The following DCC variants were observed in gnomAD, a reference collection of about 807,000 sequenced individuals.
The protein encoded by DCC is DCC netrin 1 receptor.
Under a neutral mutation model 172.5 loss-of-function variants are expected in DCC, and 58 were observed. That is an observed-to-expected ratio of 0.34 (90% CI 0.27 to 0.42). The LOEUF is 0.42. Ranked by LOEUF, DCC falls within the 10% of genes least tolerant of loss-of-function variation. The pLI is 1.00. For missense variants in DCC, 1,740 were observed against 1,791.0 expected, an observed-to-expected ratio of 0.97 and a Z score of 0.51; for synonymous variants, 709 against 644.5, an observed-to-expected ratio of 1.10 and a Z score of -1.52.
chr18:53,298,329 A>G (rs2057091823), intron 12 of DCC, among the ~76,000 whole-genome samples: 1 of 151,962 alleles, frequency 6.6e-6, no homozygotes, highest in African/African-American at 2.4e-5. Flanking sequence ...TGAGCCTAGG[A>G]GTTCAAGACC....
intron 2 of DCC, among the ~76,000 whole-genome samples, chr18:52,794,994 A>G (rs370040624): frequency 6.6e-6 from 1 of 151,864 alleles, no homozygotes; most frequent in South Asian, 2.1e-4. Context: ...ATCATGATGT[A>G]TTATCTTTTC....
intron 5 of DCC, among the ~76,000 whole-genome samples, chr18:53,062,575 T>A (rs8084454): frequency 0.33 from 49,455 of 151,954 alleles, 9,961 homozygotes; most frequent in African/African-American, 0.57. Context: ...CAAGGTTTTG[T>A]GGGCTAAGCC....
intron 1 of DCC, among the ~76,000 whole-genome samples, chr18:52,581,070 A>T (rs1339877026): frequency 6.6e-6 from 1 of 152,186 alleles, no homozygotes; most frequent in Non-Finnish European, 1.5e-5. Flanking sequence ...AGGCTCATTT[A>T]GCAATTTAGC....
At chr18:53,172,768 C>T (rs2055033112) in intron 8 of DCC, among the ~76,000 whole-genome samples, 1 of 151,996 alleles carries the variant, frequency 6.6e-6, no homozygotes, top group Admixed American at 6.6e-5. Context: ...CCTATAGGAC[C>T]TCATGTCTTT....
At chr18:53,089,158 T>C (rs924369876) in intron 7 of DCC, among the ~76,000 whole-genome samples, 4 of 152,166 alleles carry the variant, frequency 2.6e-5, no homozygotes, top group African/African-American at 7.2e-5. Context: ...TGATCTCTGC[T>C]CACTGCAACC....
chr18:52,743,806 C>A (rs1024024636), intron 1 of DCC, among the ~76,000 whole-genome samples: 1 of 152,146 alleles, frequency 6.6e-6, no homozygotes, highest in Non-Finnish European at 1.5e-5. Flanking sequence ...CTTTATATTT[C>A]CAAATTTAGT....
At position 52,385,643 on chromosome 18, in the gene DCC, T is replaced by TTAGTAG. The variant is rs201569864; in HGVS notation, c.91+44780_91+44785dup. 1.7e-3 allele frequency among the ~76,000 whole-genome samples: 257 copies of TTAGTAG among 151,760 alleles called. 1 individual carries two copies. Among genetic ancestry groups the TTAGTAG allele is most frequent in the South Asian group, 3.5e-3 (17 of 4,806 alleles). On this transcript the variant is annotated intron_variant, in intron 1 of 28. Transcript: ENST00000442544. ...TAACCAATTGATAGTGGTAGTAGTG[T>TTAGTAG]TAGTAGTAGTAGTAGTAGTAATTAG...
At chr18:52,870,099 G>T (rs1364449234) in intron 2 of DCC, among the ~76,000 whole-genome samples, 1 of 152,130 alleles carries the variant, frequency 6.6e-6, no homozygotes, top group Non-Finnish European at 1.5e-5. Context: ...AGCTCTCAGG[G>T]CAGCAGGCTC....
intron 27 of DCC, among the ~76,000 whole-genome samples, chr18:53,513,125 C>A (rs1598832241): frequency 1.3e-5 from 2 of 152,172 alleles, no homozygotes; most frequent in Non-Finnish European, 2.9e-5. Context: ...AGCAGAAATC[C>A]TACAAGCCAA....
chr18:52,664,462 TTCTTTTTCTTTTTC>T (rs1420141795), intron 1 of DCC, among the ~76,000 whole-genome samples: 25 of 134,868 alleles, frequency 1.9e-4, no homozygotes, highest in African/African-American at 6.1e-4. Flanking sequence ...CTTTTTTCTT[TTCTTTTTCTTTTTC>T]TTTTTTTTTT....
intron 17 of DCC, among the ~76,000 whole-genome samples, chr18:53,397,042 CAT>C (rs1380601159): frequency 6.6e-6 from 1 of 151,458 alleles, no homozygotes. Context: ...GACCTTTCAA[CAT>C]ATCTTACCTC....
At chr18:53,244,178 G>T (rs1380413876) in intron 12 of DCC, among the ~76,000 whole-genome samples, 1 of 152,102 alleles carries the variant, frequency 6.6e-6, no homozygotes, top group African/African-American at 2.4e-5. Flanking sequence ...TTCACTGGAA[G>T]TTTGATACTT....
chr18:53,289,035 A>G (rs1372019446), intron 12 of DCC, among the ~76,000 whole-genome samples: 2 of 152,200 alleles, frequency 1.3e-5, no homozygotes, highest in Non-Finnish European at 2.9e-5. Flanking sequence ...AAACACTGAT[A>G]GAATCCTTGA....
rs147655666 is a variant in DCC at position 52,936,642 on chromosome 18, A to G, written c.985+11272A>G. Among the ~76,000 whole-genome samples the G allele has an allele frequency of 1.2e-4, 18 of 151,620 alleles. 4 individuals are homozygous for G. In the East Asian group the frequency reaches 3.1e-3, roughly 26 times the overall value. ...AAGAATATAATTTTAATTATCCCTA[A>G]CAATCTAAGCAAGGTGAATTGACAA... On this transcript the variant is annotated intron_variant, in intron 5 of 28. Coordinates refer to ENST00000442544, the MANE Select transcript of DCC (RefSeq NM_005215.4).
intron 1 of DCC, among the ~76,000 whole-genome samples, chr18:52,378,946 G>A (rs936771050): frequency 2.6e-5 from 4 of 152,094 alleles, no homozygotes; most frequent in East Asian, 1.9e-4. Flanking sequence ...ATGAATTTTG[G>A]TTTCTATAGC....
intron 28 of DCC, among the ~76,000 whole-genome samples, chr18:53,527,276 A>G (rs1024379071): frequency 6.6e-6 from 1 of 151,486 alleles, no homozygotes; most frequent in Admixed American, 6.6e-5. Context: ...GGCTATTCAC[A>G]GGCACAATCA....
At chr18:52,392,488 T>C (rs1374723512) in intron 1 of DCC, among the ~76,000 whole-genome samples, 1 of 152,122 alleles carries the variant, frequency 6.6e-6, no homozygotes, top group Non-Finnish European at 1.5e-5. Context: ...AAGGGTAGTA[T>C]ATGTGTAAAC....
chr18:53,220,054 A>G (rs139963463), intron 12 of DCC, among the ~76,000 whole-genome samples: 1 of 152,240 alleles, frequency 6.6e-6, no homozygotes, highest in Non-Finnish European at 1.5e-5. Context: ...AGCCAAGTCC[A>G]TAGCCAAGTG....
At chr18:52,706,248 T>C (rs1280694756) in intron 1 of DCC, among the ~76,000 whole-genome samples, 6 of 152,214 alleles carry the variant, frequency 3.9e-5, no homozygotes, top group Admixed American at 3.9e-4. Flanking sequence ...TAGGCTCAAG[T>C]AGTTAAGCAC....
Sources: gnomAD v4.1 joint callset for allele counts (sites outside exome capture counted in the v4.1 genomes callset) on GRCh38, gnomAD v4.1.1 for gene constraint, MANE v1.5 for transcripts, NCBI Gene and HGNC (gene_info 2026-07-23, HGNC 2026-07-21) for gene names.